The following FARP2 variants were observed in gnomAD, a reference collection of about 807,000 sequenced individuals.
FARP2 encodes the protein FERM, ARH/RhoGEF and pleckstrin domain protein 2, also known as FERM, ARHGEF and pleckstrin domain-containing protein 2.
A neutral mutation model predicts 130.5 loss-of-function variants in FARP2; 111 were observed. The observed-to-expected ratio is 0.85, with a 90% CI of 0.73 to 1.00. The LOEUF (loss-of-function observed/expected upper bound fraction) is 1.00. Ranked by LOEUF, FARP2 falls within the 50% of genes least tolerant of loss-of-function variation. The pLI, the probability that FARP2 is intolerant of heterozygous loss-of-function variation, is 0.00. For synonymous variants in FARP2, 504 were observed against 516.9 expected (o/e 0.98, Z 0.34); for missense variants, 1,385 against 1,346.3 (o/e 1.03, Z -0.45).
At chr2:241,381,935 CCAAT>C (rs1426941557) in intron 2 of FARP2, among the ~76,000 whole-genome samples, 3 of 152,166 alleles carry the variant, frequency 2.0e-5, no homozygotes, top group Non-Finnish European at 4.4e-5. Flanking sequence ...AGCTAGAAGA[CCAAT>C]CAACGCCATC....
chr2:241,492,008 C>T (rs1002484169), intron 24 of FARP2, among the ~76,000 whole-genome samples: 1 of 152,182 alleles, frequency 6.6e-6, no homozygotes, highest in Non-Finnish European at 1.5e-5. Flanking sequence ...CCTCCAAAAC[C>T]CTTCACCTCG....
chr2:241,408,390 A>C (rs948464952), intron 5 of FARP2, among the ~76,000 whole-genome samples: 1 of 151,996 alleles, frequency 6.6e-6, no homozygotes, highest in South Asian at 2.1e-4. Flanking sequence ...AAAAGAAAAG[A>C]AAATTATCCA....
intron 1 of FARP2, among the ~76,000 whole-genome samples, chr2:241,371,455 G>C (rs898264237): frequency 1.6e-4 from 24 of 152,238 alleles, no homozygotes; most frequent in Middle Eastern, 3.2e-3. Context: ...GTGCACTTCA[G>C]CCTGGGCAAC....
Position 241,468,180 on chromosome 2 carries a change from CAG to C in FARP2, c.1936_1937del (p.Glu646ThrfsTer9). 1.2e-6 allele frequency: 2 copies of C among 1,614,080 alleles called. No homozygotes were observed. The highest frequency in any genetic ancestry group is 1.3e-5 in the African/African-American group (1 of 75,060). On this transcript the variant is annotated frameshift_variant, in exon 18 of 27. Coordinates refer to ENST00000264042, the MANE Select transcript of FARP2 (RefSeq NM_014808.4). LOFTEE classifies it high-confidence loss of function. Reference sequence around the variant, plus strand: ...TTCCAAAGACATGACGAGGTCCTAACAGAACTGGAAAAGGCTACCAAACGCTG... The same window carrying C: ...TTCCAAAGACATGACGAGGTCCTAACAACTGGAAAAGGCTACCAAACGCTG...
intron 2 of FARP2, among the ~76,000 whole-genome samples, chr2:241,403,469 C>T (rs958900188): frequency 1.4e-4 from 21 of 152,146 alleles, no homozygotes; most frequent in South Asian, 1.0e-3. Flanking sequence ...CCACCTCAGC[C>T]TCAAATTGCT....
intron 1 of FARP2, among the ~76,000 whole-genome samples, chr2:241,366,833 C>G (rs895307551): frequency 6.6e-6 from 1 of 152,082 alleles, no homozygotes; most frequent in African/African-American, 2.4e-5. Context: ...AAAGCTGGGG[C>G]TGGGAGTGGT....
chr2:241,430,675 A>G (rs185425829), intron 8 of FARP2, among the ~76,000 whole-genome samples: 110 of 152,308 alleles, frequency 7.2e-4, no homozygotes, highest in African/African-American at 2.6e-3. Flanking sequence ...GTATATTAAC[A>G]TTGATTTTAA....
intron 6 of FARP2, among the ~76,000 whole-genome samples, chr2:241,411,905 G>T (rs185554174): frequency 6.6e-6 from 1 of 152,170 alleles, no homozygotes; most frequent in South Asian, 2.1e-4. Flanking sequence ...ACCAGGGGAC[G>T]TGTTGATTAA....
chr2:241,437,670 A>ATTTAT (rs1553723709), intron 12 of FARP2, among the ~76,000 whole-genome samples: 3 of 133,122 alleles, frequency 2.3e-5, no homozygotes, highest in South Asian at 4.6e-4. Flanking sequence ...TTATTTATTT[A>ATTTAT]TTTTTTTTTT....
chr2:241,401,675 A>G (rs2150344741), intron 2 of FARP2, among the ~76,000 whole-genome samples: 1 of 152,210 alleles, frequency 6.6e-6, no homozygotes, highest in South Asian at 2.1e-4. Context: ...TTTTTTCTTA[A>G]TTAAACTATG....
At chr2:241,425,634 T>TAAA (rs1167925220) in intron 8 of FARP2, among the ~76,000 whole-genome samples, 22 of 45,972 alleles carry the variant, frequency 4.8e-4, no homozygotes, top group East Asian at 2.1e-3. Context: ...TCCTACCAAG[T>TAAA]AAAAAAAAAA....
At chr2:241,461,113 C>A (rs950253417) in intron 14 of FARP2, among the ~76,000 whole-genome samples, 1 of 152,176 alleles carries the variant, frequency 6.6e-6, no homozygotes, top group African/African-American at 2.4e-5. Flanking sequence ...TGCTCACTTG[C>A]AAACCCAGCT....
chr2:241,438,587 T>A (rs1335845344), intron 12 of FARP2, among the ~76,000 whole-genome samples: 1 of 151,616 alleles, frequency 6.6e-6, no homozygotes, highest in Non-Finnish European at 1.5e-5. Context: ...CCAGGTTTTT[T>A]CATGGGTACA....
At position 241,456,781 on chromosome 2, in the gene FARP2, C is replaced by T. The variant is rs1203889623; in HGVS notation, c.1446C>T (p.Ser482=). The change falls in exon 14 of 27, where the codon TCC becomes TCT. Residue 482 remains serine, a synonymous_variant. Coordinates refer to ENST00000264042, the MANE Select transcript of FARP2 (RefSeq NM_014808.4). ...LSTKSPQPSP[S]SRKSPLSLSP... is the part of the protein sequence containing the mutation. ...CGAAGAGTCCTCAGCCTTCTCCCTC[C>T]AGCCGGAAGAGCCCCCTGAGTCTGA... The T allele has an allele frequency of 6.2e-7, 1 of 1,614,074 alleles. No individual in the cohort carries two copies. Among genetic ancestry groups the T allele is most frequent in the African/African-American group, 1.3e-5 (1 of 74,926 alleles).
chr2:241,392,473 A>G (rs2061930182), intron 2 of FARP2, among the ~76,000 whole-genome samples: 1 of 152,232 alleles, frequency 6.6e-6, no homozygotes, highest in African/African-American at 2.4e-5. Flanking sequence ...AGTTTAAGAG[A>G]AACGATTGTA....
At chr2:241,479,027 A>G (rs1365533652) in intron 19 of FARP2, 1 of 529,450 alleles carries the variant, frequency 1.9e-6, no homozygotes, top group Non-Finnish European at 3.5e-6. Context: ...AAAATGATTT[A>G]CTCTTTCCCA....
At chr2:241,453,026 T>C (rs2063707377) in intron 13 of FARP2, among the ~76,000 whole-genome samples, 1 of 151,372 alleles carries the variant, frequency 6.6e-6, no homozygotes, top group South Asian at 2.1e-4. Context: ...CATTTTTTGT[T>C]AAATAGAAAT....
chr2:241,491,631 G>T lies in FARP2; in HGVS notation c.2739G>T (p.Trp913Cys). The T allele has an allele frequency of 6.2e-7, 1 of 1,613,374 alleles. No individual in the cohort carries two copies. Among genetic ancestry groups the T allele is most frequent in the Non-Finnish European group, 8.5e-7 (1 of 1,179,810 alleles). The part of the protein sequence containing the change: ...HRANTTMHVC[W>C]YRNTSVSRAD... Reference sequence around the variant, plus strand: ...CCAACACCACAATGCACGTGTGCTGGTACCGGAACACCAGCGTGTCCAGGG... The same window carrying T: ...CCAACACCACAATGCACGTGTGCTGTTACCGGAACACCAGCGTGTCCAGGG... The change falls in exon 24 of 27, where the codon TGG (tryptophan) becomes TGT (cysteine). Residue 913 changes from tryptophan to cysteine, a missense_variant. Physicochemically the swap from Trp to Cys is radical, Grantham distance 215. Coordinates refer to ENST00000264042, the MANE Select transcript of FARP2 (RefSeq NM_014808.4).
chr2:241,447,766 G>T (rs953177063), intron 13 of FARP2, among the ~76,000 whole-genome samples: 2 of 152,146 alleles, frequency 1.3e-5, no homozygotes, highest in Non-Finnish European at 2.9e-5. Context: ...TGCCTCTCTA[G>T]CCCCACACAC....
Sources: gnomAD v4.1 joint callset for allele counts (sites outside exome capture counted in the v4.1 genomes callset) on GRCh38, gnomAD v4.1.1 for gene constraint, MANE v1.5 for transcripts, NCBI Gene and HGNC (gene_info 2026-07-23, HGNC 2026-07-21) for gene names.